NCALD: variants seen among roughly 807,000 people sequenced by gnomAD.
NCALD encodes the protein neurocalcin delta, also known as neurocalcin-delta.
In NCALD, 10 loss-of-function variants were observed where a neutral mutation model predicts 18.6. The ratio of observed to expected loss-of-function variants is 0.54; its 90% confidence interval spans 0.33 to 0.91. NCALD has a LOEUF of 0.91. Ranked by LOEUF, NCALD falls within the 40% of genes least tolerant of loss-of-function variation. The probability of loss-of-function intolerance (pLI) is 0.03; values close to 1 mark genes in which losing one functional copy is unlikely to be tolerated. For synonymous variants in NCALD, 88 were observed against 87.4 expected, an observed-to-expected ratio of 1.01 and a Z score of -0.04; for missense variants, 184 against 247.6, an observed-to-expected ratio of 0.74 and a Z score of 1.72.
intron 2 of NCALD, among the ~76,000 whole-genome samples, chr8:101,925,011 C>T (rs1467066542): frequency 6.6e-6 from 1 of 152,028 alleles, no homozygotes; most frequent in Non-Finnish European, 1.5e-5. Context: ...TGAATATTTT[C>T]CTCATTTATA....
chr8:102,108,729 A>G (rs1219166338), intron 1 of NCALD, among the ~76,000 whole-genome samples: 1 of 152,308 alleles, frequency 6.6e-6, no homozygotes, highest in South Asian at 2.1e-4. Context: ...GCAGGTTCAC[A>G]ATAAATGTTT....
chr8:101,810,524 A>C (rs1364487967), intron 4 of NCALD, among the ~76,000 whole-genome samples: 2 of 152,236 alleles, frequency 1.3e-5, no homozygotes, highest in Non-Finnish European at 2.9e-5. Context: ...AAATTAAAAC[A>C]GTTCTTAACA....
intron 4 of NCALD, among the ~76,000 whole-genome samples, chr8:101,861,763 T>C (rs956817050): frequency 7.2e-5 from 11 of 152,194 alleles, no homozygotes; most frequent in Admixed American, 6.5e-4. Flanking sequence ...ATGATTCCAT[T>C]TGAGACCCTA....
rs60843996 is a variant in NCALD at position 102,123,390 on chromosome 8, A to G, written c.-210+847T>C. Among the ~76,000 whole-genome samples the G allele has an allele frequency of 2.6e-5, 4 of 151,248 alleles. No individual in the cohort carries two copies. The East Asian group carries it at 7.9e-4, about 30-fold the overall frequency. On this transcript the variant is annotated intron_variant, in intron 1 of 6. Transcript: ENST00000311028. ...CCCGCAGGAAGAAACTGACCCTGGCAGGAGCTCTGCAGAGCCAAATGGCAT... is the reference window on the plus strand; with the variant it reads ...CCCGCAGGAAGAAACTGACCCTGGCGGGAGCTCTGCAGAGCCAAATGGCAT...
chr8:101,923,797 C>T (rs55930782), intron 2 of NCALD, among the ~76,000 whole-genome samples: 90 of 152,268 alleles, frequency 5.9e-4, no homozygotes, highest in Non-Finnish European at 1.0e-3. Context: ...TATTGACTAG[C>T]ATCCCATTTT....
At chr8:101,988,762 A>T (rs935089005) in intron 2 of NCALD, among the ~76,000 whole-genome samples, 2 of 152,152 alleles carry the variant, frequency 1.3e-5, no homozygotes, top group Non-Finnish European at 2.9e-5. Context: ...ATGAAGTCTG[A>T]GTCTGAGAGA....
intron 4 of NCALD, among the ~76,000 whole-genome samples, chr8:101,799,650 C>T (rs996616962): frequency 6.6e-6 from 1 of 152,160 alleles, no homozygotes; most frequent in African/African-American, 2.4e-5. Flanking sequence ...GAGAATTTTA[C>T]AGAGCAGAAA....
At chr8:102,089,118 G>T (rs1408912173) in intron 1 of NCALD, among the ~76,000 whole-genome samples, 2 of 152,198 alleles carry the variant, frequency 1.3e-5, no homozygotes, top group Admixed American at 1.3e-4. Context: ...AAATAGGCCG[G>T]GTGCAGTGGC....
At chr8:102,100,163 T>C (rs957851540) in intron 1 of NCALD, among the ~76,000 whole-genome samples, 1 of 152,134 alleles carries the variant, frequency 6.6e-6, no homozygotes, top group Non-Finnish European at 1.5e-5. Flanking sequence ...TCCTCATTTA[T>C]CAACACTTAC....
At chr8:101,691,565 C>A in intron 3 of NCALD, 3 of 985,392 alleles carry the variant, frequency 3.0e-6, no homozygotes. Flanking sequence ...ACCAGTAAAA[C>A]CTGCAGTTTA....
intron 2 of NCALD, among the ~76,000 whole-genome samples, chr8:101,923,734 A>G (rs1359206297): frequency 6.6e-6 from 1 of 152,218 alleles, no homozygotes; most frequent in Non-Finnish European, 1.5e-5. Context: ...ATGTTTAAAA[A>G]TAAGTTCTTT....
intron 4 of NCALD, among the ~76,000 whole-genome samples, chr8:101,858,905 T>C (rs1815427909): frequency 1.3e-5 from 2 of 151,856 alleles, no homozygotes; most frequent in African/African-American, 2.4e-5. Flanking sequence ...AGAAATGAAC[T>C]TGGAAGAAAC....
chr8:101,908,074 G>T (rs1817669076), intron 3 of NCALD, among the ~76,000 whole-genome samples: 1 of 152,118 alleles, frequency 6.6e-6, no homozygotes, highest in Non-Finnish European at 1.5e-5. Flanking sequence ...TAAACAGCAG[G>T]ATAAGCAAGG....
At chr8:102,088,358 T>A (rs1824809612) in intron 1 of NCALD, among the ~76,000 whole-genome samples, 1 of 152,244 alleles carries the variant, frequency 6.6e-6, no homozygotes, top group Non-Finnish European at 1.5e-5. Context: ...ACCTGTGAGG[T>A]TACTTTTAGT....
rs34381236 is a variant in NCALD at position 102,034,015 on chromosome 8, TACACAC to T, written c.-209-13732_-209-13727del. 5.1e-3 allele frequency among the ~76,000 whole-genome samples: 760 copies of T among 147,958 alleles called. 4 individuals are homozygous for T. Among genetic ancestry groups the T allele is most frequent in the Middle Eastern group, 0.014 (4 of 290 alleles). ...TTGCTCTCTCTCTCCTCCCTCTAAA[TACACAC>T]ACACACACACACACACACACACACA... On this transcript the variant is annotated intron_variant, in intron 1 of 6. Transcript: ENST00000311028.
rs147925072 is a variant in NCALD, at chr8:101,812,240, A to G, written c.-20+74901T>C. Among the ~76,000 whole-genome samples the G allele has an allele frequency of 5.7e-3, 869 of 152,306 alleles. 11 individuals carry two copies. Among genetic ancestry groups the G allele is most frequent in the African/African-American group, 0.018 (763 of 41,564 alleles). ...ACTCAGGGATAAAATCCAGCCCCTTATTACTATCACCAAAGCAGTCTATGA... is the reference window on the plus strand; with the variant it reads ...ACTCAGGGATAAAATCCAGCCCCTTGTTACTATCACCAAAGCAGTCTATGA... On this transcript the variant is annotated intron_variant, in intron 4 of 6. Coordinates refer to the NCALD transcript ENST00000311028.
intron 3 of NCALD, among the ~76,000 whole-genome samples, chr8:101,914,992 T>C (rs1404249199): frequency 6.6e-6 from 1 of 152,248 alleles, no homozygotes; most frequent in Non-Finnish European, 1.5e-5. Context: ...TATTCTTAAT[T>C]TATTTTAATT....
chr8:102,075,353 T>A (rs1163209088), intron 1 of NCALD, among the ~76,000 whole-genome samples: 1 of 152,214 alleles, frequency 6.6e-6, no homozygotes, highest in African/African-American at 2.4e-5. Context: ...CATAGTAATG[T>A]AACAGGAGGT....
chr8:102,033,081 A>C (rs908988936), intron 1 of NCALD, among the ~76,000 whole-genome samples: 4 of 152,156 alleles, frequency 2.6e-5, no homozygotes, highest in African/African-American at 9.7e-5. Context: ...TGCCTTTTGT[A>C]AGTACCACCG....
Sources: allele counts gnomAD v4.1 joint callset (sites outside exome capture counted in the v4.1 genomes callset), GRCh38; gene constraint gnomAD v4.1.1; transcripts MANE v1.5; gene names NCBI Gene and HGNC (gene_info 2026-07-23, HGNC 2026-07-21).